CLDN10: variants seen among roughly 807,000 people sequenced by gnomAD.
The protein encoded by CLDN10 is claudin-10.
A neutral mutation model predicts 22.9 loss-of-function variants in CLDN10; 15 were observed. The observed-to-expected ratio is 0.65, with a 90% CI of 0.44 to 1.01. The LOEUF (loss-of-function observed/expected upper bound fraction) is 1.01. Ranked by LOEUF, CLDN10 falls within the 50% of genes least tolerant of loss-of-function variation. The probability of loss-of-function intolerance (pLI) is 0.00; values close to 1 mark genes in which losing one functional copy is unlikely to be tolerated. For synonymous variants in CLDN10, 114 were observed against 111.4 expected, an observed-to-expected ratio of 1.02 and a Z score of -0.15; for missense variants, 247 against 287.8, an observed-to-expected ratio of 0.86 and a Z score of 1.03.
chr13:95,504,401 G>A (rs146229662), intron 1 of CLDN10, among the ~76,000 whole-genome samples: 2,498 of 151,736 alleles, frequency 0.016, 31 homozygotes, highest in Admixed American at 0.025. Flanking sequence ...ATTTTTTTGA[G>A]ACAGAGTCTC....
At chr13:95,535,497 G>T (rs1391287056) in intron 1 of CLDN10, among the ~76,000 whole-genome samples, 1 of 150,814 alleles carries the variant, frequency 6.6e-6, no homozygotes. Flanking sequence ...CTCATAACTT[G>T]CTTGGCAGAC....
At chr13:95,484,621 T>C (rs1467581979) in intron 1 of CLDN10, among the ~76,000 whole-genome samples, 1 of 149,560 alleles carries the variant, frequency 6.7e-6, no homozygotes, top group Non-Finnish European at 1.5e-5. Context: ...GGTGGGCAGA[T>C]CACTTGAGGT....
chr13:95,439,348 A>C, intron 1 of CLDN10, among the ~76,000 whole-genome samples: 1 of 148,726 alleles, frequency 6.7e-6, no homozygotes, highest in East Asian at 2.0e-4. Context: ...TTATGTTATT[A>C]TTATTTTTTT....
At chr13:95,475,636 T>C (rs2042678209) in intron 1 of CLDN10, among the ~76,000 whole-genome samples, 1 of 152,184 alleles carries the variant, frequency 6.6e-6, no homozygotes, top group Non-Finnish European at 1.5e-5. Context: ...GGTGACTGGC[T>C]TGGAGCTCCA....
chr13:95,438,519 A>G (rs527329570), intron 1 of CLDN10, among the ~76,000 whole-genome samples: 1 of 152,370 alleles, frequency 6.6e-6, no homozygotes, highest in South Asian at 2.1e-4. Flanking sequence ...AAATGACCAC[A>G]AGACCCAAGT....
intron 3 of CLDN10, among the ~76,000 whole-genome samples, chr13:95,575,762 T>C (rs2043916526): frequency 6.6e-6 from 1 of 152,152 alleles, no homozygotes; most frequent in East Asian, 1.9e-4. Context: ...CCTTGCCCCA[T>C]CAGTCACCCT....
In CLDN10 at chr13:95,489,339, G is replaced by C. The variant is rs543595941; in HGVS notation, c.214+55292G>C. On this transcript the variant is annotated intron_variant, in intron 1 of 4. Coordinates refer to the CLDN10 transcript ENST00000376873. ...CTGTGGCTAGTTTACATTCCCACCA[G>C]CAATGCAGAAGGGTTCCCTGTTCAC... Among the ~76,000 whole-genome samples, 117 of 152,008 alleles carry C rather than the reference G, an allele frequency of 7.7e-4. 1 individual carries two copies. Among genetic ancestry groups the C allele is most frequent in the African/African-American group, 2.7e-3 (110 of 41,478 alleles).
chr13:95,446,611 G>GCGGGAGGATCACCTGAGGT, intron 1 of CLDN10, among the ~76,000 whole-genome samples: 1 of 152,362 alleles, frequency 6.6e-6, no homozygotes, highest in Non-Finnish European at 1.5e-5. Context: ...GGAGGCCAAG[G>GCGGGAGGATCACCTGAGGT]CGGGAGGATC....
intron 1 of CLDN10, among the ~76,000 whole-genome samples, chr13:95,474,288 G>A (rs1161592739): frequency 6.6e-6 from 1 of 152,152 alleles, no homozygotes; most frequent in African/African-American, 2.4e-5. Context: ...TAGGGTTCGT[G>A]CTCCTATGAG....
At chr13:95,467,022 G>C (rs1021097018) in intron 1 of CLDN10, among the ~76,000 whole-genome samples, 1 of 142,130 alleles carries the variant, frequency 7.0e-6, no homozygotes, top group Non-Finnish European at 1.5e-5. Flanking sequence ...GACTACAGGC[G>C]CCTGCCACCA....
At chr13:95,457,366 G>A (rs2042492308) in intron 1 of CLDN10, among the ~76,000 whole-genome samples, 1 of 152,108 alleles carries the variant, frequency 6.6e-6, no homozygotes, top group Admixed American at 6.5e-5. Context: ...AGTTTGTTTC[G>A]TATGCAAATG....
intron 1 of CLDN10, among the ~76,000 whole-genome samples, chr13:95,543,241 AT>A (rs35909794): frequency 0.41 from 61,721 of 151,968 alleles, 12,613 homozygotes; most frequent in African/African-American, 0.45. Context: ...CAAAAAATAA[AT>A]AAATAAAATC....
intron 1 of CLDN10, among the ~76,000 whole-genome samples, chr13:95,538,406 G>A (rs1337841752): frequency 6.6e-6 from 1 of 151,912 alleles, no homozygotes; most frequent in African/African-American, 2.4e-5. Context: ...CCAAAGTGCT[G>A]AGATTACAGG....
chr13:95,481,746 A>G (rs1053538822), intron 1 of CLDN10, among the ~76,000 whole-genome samples: 1 of 152,198 alleles, frequency 6.6e-6, no homozygotes, highest in Non-Finnish European at 1.5e-5. Context: ...TCGATCAGGC[A>G]CAGTAGCTCA....
rs562149456 is a variant in CLDN10, at chr13:95,450,943, C to T, written c.214+16896C>T. Among the ~76,000 whole-genome samples the T allele has an allele frequency of 1.6e-4, 25 of 152,342 alleles. No individual in the cohort carries two copies. In the South Asian group the frequency reaches 3.3e-3, roughly 20 times the overall value. On this transcript the variant is annotated intron_variant, in intron 1 of 4. Transcript: ENST00000376873. ...TGAGAGCATTTACTCTGTGCATGCA[C>T]CACTGTAACTATCACCTCACTTGGT...
chr13:95,490,297 A>G (rs2042858700), intron 1 of CLDN10, among the ~76,000 whole-genome samples: 1 of 152,072 alleles, frequency 6.6e-6, no homozygotes, highest in African/African-American at 2.4e-5. Flanking sequence ...GAATTTGTAG[A>G]TTGCTTTTGG....
At chr13:95,490,454 G>T (rs1054654327) in intron 1 of CLDN10, among the ~76,000 whole-genome samples, 1 of 152,094 alleles carries the variant, frequency 6.6e-6, no homozygotes, top group Non-Finnish European at 1.5e-5. Context: ...CAGGGGTTTT[G>T]ATAGGCTGTG....
In CLDN10 at chr13:95,564,116, A is replaced by G. The variant is rs367671996; in HGVS notation, c.464+3653A>G. ...TCCTAGATAGGCTGGGATGTGGAAG[A>G]TGCCACTATAGGAATGTTCTATGTC... On this transcript the variant is annotated intron_variant, in intron 3 of 4. Coordinates refer to ENST00000299339, the MANE Select transcript of CLDN10 (RefSeq NM_006984.5). Among the ~76,000 whole-genome samples the G allele has an allele frequency of 2.0e-3, 300 of 152,342 alleles. 3 individuals carry two copies. The highest frequency in any genetic ancestry group is 6.9e-3 in the African/African-American group (288 of 41,580).
intron 1 of CLDN10, among the ~76,000 whole-genome samples, chr13:95,470,188 C>CAT (rs2042616986): frequency 6.6e-6 from 1 of 152,210 alleles, no homozygotes; most frequent in Non-Finnish European, 1.5e-5. Context: ...CAGAAATATG[C>CAT]ACAGGGAATT....
Sources: allele counts gnomAD v4.1 joint callset (sites outside exome capture counted in the v4.1 genomes callset), GRCh38; gene constraint gnomAD v4.1.1; transcripts MANE v1.5; gene names NCBI Gene and HGNC (gene_info 2026-07-23, HGNC 2026-07-21).